The following THSD7A variants were observed in gnomAD, a reference collection of about 807,000 sequenced individuals.
THSD7A encodes the protein thrombospondin type-1 domain-containing protein 7A.
A neutral mutation model predicts 231.3 loss-of-function variants in THSD7A; 96 were observed. The observed-to-expected ratio is 0.41, with a 90% CI of 0.35 to 0.49. The LOEUF is 0.49. Among genes scored for constraint, THSD7A ranks in the 20% least tolerant of loss-of-function variants. The probability of loss-of-function intolerance (pLI) is 0.05; values close to 1 mark genes in which losing one functional copy is unlikely to be tolerated. For synonymous variants in THSD7A, 940 were observed against 743.3 expected, an observed-to-expected ratio of 1.26 and a Z score of -4.30; for missense variants, 2,290 against 2,070.2, an observed-to-expected ratio of 1.11 and a Z score of -2.06.
At chr7:11,494,972 T>C (rs770658897) in intron 6 of THSD7A, among the ~76,000 whole-genome samples, 6 of 152,070 alleles carry the variant, frequency 3.9e-5, no homozygotes, top group Non-Finnish European at 8.8e-5. Flanking sequence ...GTTTGGGAGA[T>C]GAAACTGCAG....
Position 11,411,344 on chromosome 7 carries a change from C to G in THSD7A, c.3683-22G>C. 1.3e-6 allele frequency: 2 copies of G among 1,537,770 alleles called. No homozygotes were observed. The highest frequency in any genetic ancestry group is 1.4e-5 in the African/African-American group (1 of 73,364). On this transcript the variant is annotated intron_variant, in intron 18 of 27. Coordinates refer to ENST00000423059, the MANE Select transcript of THSD7A (RefSeq NM_015204.3). This position sits in a 1 kb window ranked among gnomAD's most constrained non-coding sequence, Gnocchi z 4.1. ...CAGTCTGAAAAAAAGGGAAGCCCAT[C>G]AGAACAGAAGGCTAAGTAAGAAACA...
rs1781759166 is a variant in THSD7A, at chr7:11,634,354, AC to A, written c.1022+1775del. ...TGCAATGGTAGCTACTAACCTAATT[AC>A]ACTTTTAATTGAGTAGTCAACGTTA... On this transcript the variant is annotated intron_variant, in intron 2 of 27. Coordinates refer to ENST00000423059, the MANE Select transcript of THSD7A (RefSeq NM_015204.3). The surrounding 1 kb of genome is among the most constrained non-coding windows in gnomAD (Gnocchi z 4.1). Among the ~76,000 whole-genome samples the A allele has an allele frequency of 6.6e-6, 1 of 152,176 alleles. No individual in the cohort carries two copies. Among genetic ancestry groups the A allele is most frequent in the South Asian group, 2.1e-4 (1 of 4,834 alleles).
chr7:11,524,089 T>C (rs1235544892), intron 6 of THSD7A, among the ~76,000 whole-genome samples: 1 of 152,198 alleles, frequency 6.6e-6, no homozygotes, highest in Non-Finnish European at 1.5e-5. Context: ...TGGAAAAAGA[T>C]ATATTGTCCC....
At chr7:11,617,284 A>G (rs1412485205) in intron 2 of THSD7A, among the ~76,000 whole-genome samples, 1 of 152,182 alleles carries the variant, frequency 6.6e-6, no homozygotes, top group Non-Finnish European at 1.5e-5. Context: ...AAGACAAATC[A>G]TCTTTCATAT....
At chr7:11,810,508 T>C (rs1784502969) in intron 1 of THSD7A, among the ~76,000 whole-genome samples, 1 of 152,118 alleles carries the variant, frequency 6.6e-6, no homozygotes, top group South Asian at 2.1e-4. Context: ...TAAAGTTCAG[T>C]AAAATGTTTG....
At chr7:11,523,263 T>G (rs1003620606) in intron 6 of THSD7A, among the ~76,000 whole-genome samples, 2 of 152,080 alleles carry the variant, frequency 1.3e-5, no homozygotes. Flanking sequence ...AAAGTCTTTA[T>G]AGTAATATGA....
In THSD7A at chr7:11,590,085, A is replaced by C. The variant is rs1338449057; in HGVS notation, c.1453+375T>G. Among the ~76,000 whole-genome samples the C allele has an allele frequency of 6.6e-6, 1 of 152,196 alleles. No individual in the cohort carries two copies. On this transcript the variant is annotated intron_variant, in intron 4 of 27. Transcript: ENST00000423059. The surrounding 1 kb of genome is among the most constrained non-coding windows in gnomAD (Gnocchi z 4.4). The stretch of plus-strand genomic sequence containing the variant: ...TATCCAAATAAGATTTCTTTTGACA[A>C]GCAGGTTTTACTTCTTATATAATTT...
chr7:11,780,133 T>A (rs1376877609), intron 1 of THSD7A, among the ~76,000 whole-genome samples: 1 of 152,230 alleles, frequency 6.6e-6, no homozygotes, highest in Non-Finnish European at 1.5e-5. Flanking sequence ...TATCCTCACA[T>A]GGCAGAGAAC....
intron 6 of THSD7A, among the ~76,000 whole-genome samples, chr7:11,514,658 GCATGCAATCTTTAA>G (rs1202680170): frequency 5.9e-5 from 9 of 151,958 alleles, no homozygotes; most frequent in Non-Finnish European, 1.0e-4. Flanking sequence ...ATATAATATT[GCATGCAATCTTTAA>G]CATGCATCAA....
At chr7:11,607,360 CT>C (rs1396874877) in intron 2 of THSD7A, among the ~76,000 whole-genome samples, 1 of 152,026 alleles carries the variant, frequency 6.6e-6, no homozygotes, top group Non-Finnish European at 1.5e-5. Flanking sequence ...AACTGCCGCC[CT>C]TGAATTACAT....
intron 4 of THSD7A, among the ~76,000 whole-genome samples, chr7:11,567,521 C>G (rs919169397): frequency 1.3e-5 from 2 of 152,164 alleles, no homozygotes; most frequent in Non-Finnish European, 2.9e-5. Flanking sequence ...AATTTTATTG[C>G]TTTCTGCATT....
chr7:11,611,909 G>A (rs1453958369), intron 2 of THSD7A, among the ~76,000 whole-genome samples: 1 of 150,484 alleles, frequency 6.6e-6, no homozygotes, highest in Non-Finnish European at 1.5e-5. Context: ...CTGCTCCCCT[G>A]AAAGATATGG....
At chr7:11,639,667 C>CAA (rs201889689) in intron 1 of THSD7A, among the ~76,000 whole-genome samples, 4 of 150,366 alleles carry the variant, frequency 2.7e-5, no homozygotes, top group East Asian at 3.9e-4. Flanking sequence ...GACTCCGTCT[C>CAA]AAAAAAAATA....
At chr7:11,480,896 G>T (rs927286312) in intron 7 of THSD7A, among the ~76,000 whole-genome samples, 1 of 149,846 alleles carries the variant, frequency 6.7e-6, no homozygotes, top group African/African-American at 2.4e-5. Flanking sequence ...ATTACAAATA[G>T]AAATAATTAT....
At chr7:11,574,362 A>T (rs1335677301) in intron 4 of THSD7A, among the ~76,000 whole-genome samples, 1 of 152,198 alleles carries the variant, frequency 6.6e-6, no homozygotes, top group Non-Finnish European at 1.5e-5. Flanking sequence ...TAAGACATAG[A>T]AGACACTCAG....
At chr7:11,771,742 G>A (rs1285474513) in intron 1 of THSD7A, among the ~76,000 whole-genome samples, 2 of 152,082 alleles carry the variant, frequency 1.3e-5, no homozygotes, top group South Asian at 2.1e-4. Context: ...AATCTCACGT[G>A]GAATTGGAAT....
chr7:11,814,103 G>C lies in THSD7A; in HGVS notation c.190+17654C>G, dbSNP rs1784611472. Reference sequence around the variant, plus strand: ...GAAAGGTCCAGACTAGGCGAATAGAGAAAAAGTAGATTGGTATTTGCCCGG... The same window carrying C: ...GAAAGGTCCAGACTAGGCGAATAGACAAAAAGTAGATTGGTATTTGCCCGG... On this transcript the variant is annotated intron_variant, in intron 1 of 27. Coordinates refer to ENST00000423059, the MANE Select transcript of THSD7A (RefSeq NM_015204.3). The surrounding 1 kb of genome is among the most constrained non-coding windows in gnomAD (Gnocchi z 5.1). 6.6e-6 allele frequency among the ~76,000 whole-genome samples: 1 copy of C among 152,184 alleles called. No individual in the cohort carries two copies. The highest frequency in any genetic ancestry group is 1.5e-5 in the Non-Finnish European group (1 of 68,036).
chr7:11,564,239 T>C (rs1428004805), intron 4 of THSD7A, among the ~76,000 whole-genome samples: 2 of 152,208 alleles, frequency 1.3e-5, no homozygotes, highest in Admixed American at 6.5e-5. Context: ...ATTCTAGTTT[T>C]AACTTCCCAA....
chr7:11,471,351 A>G (rs904400520), intron 8 of THSD7A, among the ~76,000 whole-genome samples: 1 of 152,020 alleles, frequency 6.6e-6, no homozygotes, highest in Non-Finnish European at 1.5e-5. Context: ...TTGTAGCTCA[A>G]GTTTGTCTTT....
Sources: gnomAD v4.1 joint callset for allele counts (sites outside exome capture counted in the v4.1 genomes callset) on GRCh38, gnomAD v4.1.1 for gene constraint, Gnocchi (gnomAD v3.1) non-coding constraint, MANE v1.5 for transcripts, NCBI Gene and HGNC (gene_info 2026-07-23, HGNC 2026-07-21) for gene names.